Variants in PLA2G4C observed in about 807,000 individuals in gnomAD.
The protein encoded by PLA2G4C is phospholipase A2 group IVC, also known as cytosolic phospholipase A2 gamma.
In PLA2G4C, 64 loss-of-function variants were observed where a neutral mutation model predicts 73.8. The observed-to-expected ratio is 0.87, with a 90% confidence interval of 0.71 to 1.07. The LOEUF is 1.07. Ranked by LOEUF, PLA2G4C falls within the 50% of genes least tolerant of loss-of-function variation. The pLI, the probability that PLA2G4C is intolerant of heterozygous loss-of-function variation, is 0.00. For missense variants in PLA2G4C, 622 were observed against 665.4 expected (o/e 0.93, Z 0.72); for synonymous variants, 254 against 252.1 (o/e 1.01, Z -0.07).
At chr19:48,098,699 C>T (rs2031735791) in intron 5 of PLA2G4C, among the ~76,000 whole-genome samples, 3 of 72,476 alleles carry the variant, frequency 4.1e-5, no homozygotes, top group Non-Finnish European at 8.1e-5. Flanking sequence ...AGCAAAAAAG[C>T]GAAACCCTAT....
At chr19:48,078,912 C>T (rs1361570048) in intron 10 of PLA2G4C, among the ~76,000 whole-genome samples, 1 of 149,940 alleles carries the variant, frequency 6.7e-6, no homozygotes, top group East Asian at 1.9e-4. Flanking sequence ...CTCTGTTGCC[C>T]AGGCTGGAGT....
Position 48,098,151 on chromosome 19 carries a change from C to CACTCACACCCTGTGACCCCTTG in PLA2G4C, c.555_556insCAAGGGGTCACAGGGTGTGAGT (p.Ala186GlnfsTer51). On this transcript the variant is annotated frameshift_variant, in exon 6 of 17. Coordinates refer to ENST00000599921, the MANE Select transcript of PLA2G4C (RefSeq NM_003706.3). LOFTEE classifies it high-confidence loss of function. ...AATGTTTGCTTACCTGGTGCTCTTGCCTCCTGCCAGGAAGGTTGCAGGTCA... is the reference window on the plus strand; with the variant it reads ...AATGTTTGCTTACCTGGTGCTCTTGCACTCACACCCTGTGACCCCTTGCTCCTGCCAGGAAGGTTGCAGGTCA... The CACTCACACCCTGTGACCCCTTG allele has an allele frequency of 1.2e-6, 2 of 1,613,646 alleles. No homozygotes were observed. Among genetic ancestry groups the CACTCACACCCTGTGACCCCTTG allele is most frequent in the Non-Finnish European group, 1.7e-6 (2 of 1,179,792 alleles).
At chr19:48,105,678 G>C (rs2122144779) in intron 2 of PLA2G4C, among the ~76,000 whole-genome samples, 1 of 151,894 alleles carries the variant, frequency 6.6e-6, no homozygotes, top group South Asian at 2.1e-4. Context: ...TTAATTTTGG[G>C]GCCAGACGCG....
chr19:48,074,927 A>G, intron 11 of PLA2G4C, 53 bp from the exon 12 acceptor site: 3 of 1,157,914 alleles, frequency 2.6e-6, no homozygotes, highest in Non-Finnish European at 3.8e-6. Context: ...CCCTACCAAG[A>G]ACATCACAGA....
chr19:48,077,935 G>A, intron 10 of PLA2G4C, 111 bp from the exon 11 acceptor site: 1 of 831,688 alleles, frequency 1.2e-6, no homozygotes, highest in Non-Finnish European at 1.9e-6. Flanking sequence ...CCATGGGTTG[G>A]AGTCTGTTGA....
At chr19:48,074,907 T>A in intron 11 of PLA2G4C, 33 bp from the exon 12 acceptor site, 2 of 1,388,996 alleles carry the variant, frequency 1.4e-6, no homozygotes, top group East Asian at 2.3e-5. Context: ...TCTCAGACAC[T>A]GTCCAAGTAC....
chr19:48,078,452 G>A (rs1005871602), intron 10 of PLA2G4C, among the ~76,000 whole-genome samples: 1 of 152,070 alleles, frequency 6.6e-6, no homozygotes, highest in Non-Finnish European at 1.5e-5. Context: ...TGATATGATT[G>A]TACACCTAGA....
chr19:48,068,031 C>T lies in PLA2G4C; in HGVS notation c.1007-145G>A, dbSNP rs112360956. 392 of 661,124 alleles carry T rather than the reference C, an allele frequency of 5.9e-4. 3 individuals carry two copies. In the African/African-American group the frequency reaches 6.0e-3, roughly 10 times the overall value. The allele number at this position is 661,124 out of a possible 1,614,324, so 41.0% of individuals were successfully genotyped here. A position where few individuals can be genotyped will look rare whatever the true frequency, so the allele number is the denominator to read the frequency against. ...TTAAAGAGGTCATTCAGGGCCGGCG[C>T]GTTGGCTCACGCCAGTCATCCCAGC... is the stretch of plus-strand genomic sequence containing the variant. On this transcript the variant is annotated intron_variant, in intron 12 of 16. Coordinates refer to ENST00000599921, the MANE Select transcript of PLA2G4C (RefSeq NM_003706.3).
chr19:48,094,354 TAGGGAATG>T (rs2122647484), intron 7 of PLA2G4C, among the ~76,000 whole-genome samples: 1 of 152,306 alleles, frequency 6.6e-6, no homozygotes, highest in South Asian at 2.1e-4. Context: ...CAAACTTCAT[TAGGGAATG>T]AGCCTTCACT....
At chr19:48,074,597 G>A in intron 12 of PLA2G4C, 170 bp downstream of exon 12, 1 of 628,472 alleles carries the variant, frequency 1.6e-6, no homozygotes, top group African/African-American at 1.8e-5. Context: ...TACATTGGGG[G>A]ATTACATTCC....
intron 11 of PLA2G4C, among the ~76,000 whole-genome samples, chr19:48,077,116 C>T (rs1199764829): frequency 1.3e-5 from 2 of 152,106 alleles, no homozygotes; most frequent in Admixed American, 6.5e-5. Context: ...TCAGGCTGTT[C>T]CCATTTTCTG....
chr19:48,105,966 C>G (rs1600268656), intron 2 of PLA2G4C, among the ~76,000 whole-genome samples: 1 of 70,296 alleles, frequency 1.4e-5, no homozygotes, highest in Admixed American at 1.6e-4. Flanking sequence ...TTCTTTCTTT[C>G]TTTCTTTCTT....
At chr19:48,054,745 C>T in intron 15 of PLA2G4C, 133 bp downstream of exon 15, 1 of 826,880 alleles carries the variant, frequency 1.2e-6, no homozygotes. Flanking sequence ...TGAGGCCTCT[C>T]AATCCATGCT....
intron 7 of PLA2G4C, chr19:48,090,706 G>A: frequency 2.5e-6 from 1 of 399,902 alleles, no homozygotes; most frequent in African/African-American, 2.0e-5. Flanking sequence ...GCCATTTCAA[G>A]CTCCTGTCCA....
At chr19:48,070,671 C>T (rs915942108) in intron 12 of PLA2G4C, among the ~76,000 whole-genome samples, 3 of 151,950 alleles carry the variant, frequency 2.0e-5, no homozygotes, top group African/African-American at 7.3e-5. Flanking sequence ...CATGTTCTCA[C>T]TTATAAGTGG....
At position 48,100,636 on chromosome 19, in the gene PLA2G4C, G is replaced by A. The variant is rs544422295; in HGVS notation, c.258-776C>T. On this transcript the variant is annotated intron_variant, in intron 4 of 16. Coordinates refer to ENST00000599921, the MANE Select transcript of PLA2G4C (RefSeq NM_003706.3). ...AAAAAAAAAAAAAAAAAAGCTGGGC[G>A]TGGTGGCTTACGCCTGTGATCCTAG... is the stretch of plus-strand genomic sequence containing the variant. Among the ~76,000 whole-genome samples, 134 of 143,796 alleles carry A rather than the reference G, an allele frequency of 9.3e-4. 1 individual carries two copies. The highest frequency in any genetic ancestry group is 3.3e-3 in the African/African-American group (131 of 39,170). 94.3% of individuals were successfully genotyped at this position (143,796 alleles called of 152,430 possible).
In PLA2G4C at chr19:48,057,269, T is replaced by G. The variant is rs73569717; in HGVS notation, c.1258-2220A>C. ...TTCTTGCAGTTAACGTAAGAATATTTTAAATTTCTAAGTTTCTGAAGTGTT... is the reference window on the plus strand; with the variant it reads ...TTCTTGCAGTTAACGTAAGAATATTGTAAATTTCTAAGTTTCTGAAGTGTT... On this transcript the variant is annotated intron_variant, in intron 14 of 16. Transcript: ENST00000599921. 9.2e-3 allele frequency among the ~76,000 whole-genome samples: 1,396 copies of G among 152,084 alleles called. 33 individuals are homozygous for G. The highest frequency in any genetic ancestry group is 0.031 in the African/African-American group (1,292 of 41,472).
intron 15 of PLA2G4C, among the ~76,000 whole-genome samples, chr19:48,053,364 C>CTTTTTTTTT (rs1174332835): frequency 7.5e-4 from 75 of 100,560 alleles, no homozygotes; most frequent in African/African-American, 1.5e-3. Context: ...GTCCTTTTTT[C>CTTTTTTTTT]TTTTTTTTTT....
chr19:48,052,873 G>T, intron 16 of PLA2G4C, 124 bp downstream of exon 16: 3 of 1,002,190 alleles, frequency 3.0e-6, no homozygotes, highest in Non-Finnish European at 2.9e-6. Context: ...GCAAGCTCAA[G>T]TAGGGGAGAC....
Sources: allele counts gnomAD v4.1 joint callset (sites outside exome capture counted in the v4.1 genomes callset), GRCh38; gene constraint gnomAD v4.1.1; transcripts MANE v1.5; gene names NCBI Gene and HGNC (gene_info 2026-07-23, HGNC 2026-07-21).